Variants in OVCH2 observed in about 807,000 individuals in gnomAD.
OVCH2 encodes ovochymase 2.
In OVCH2, 88 loss-of-function variants were observed where a neutral mutation model predicts 73.7. The ratio of observed to expected loss-of-function variants is 1.19; its 90% confidence interval spans 1.01 to 1.43. The LOEUF is 1.43. Among genes scored for constraint, OVCH2 ranks in the 40% most tolerant of loss-of-function variants. OVCH2 has a pLI of 0.00. For missense variants in OVCH2, 706 were observed against 674.5 expected, an observed-to-expected ratio of 1.05 and a Z score of -0.52; for synonymous variants, 265 against 234.5, an observed-to-expected ratio of 1.13 and a Z score of -1.19.
At chr11:7,683,020 C>T in the OVCH2 span, among the ~76,000 whole-genome samples, 1 of 152,218 alleles carries the variant, frequency 6.6e-6, no homozygotes, top group South Asian at 2.1e-4. Flanking sequence ...CAATGCTCCT[C>T]ATTTCCAACC....
chr11:7,701,676 T>A, intron 5 of OVCH2, 40 bp downstream of exon 5: 1 of 1,578,026 alleles, frequency 6.3e-7, no homozygotes, highest in Non-Finnish European at 8.7e-7. Flanking sequence ...ACCAGAAAGT[T>A]CTGACCTCTG....
chr11:7,696,311 G>C (rs1486739118), intron 10 of OVCH2, among the ~76,000 whole-genome samples, 154 bp downstream of exon 10: 1 of 152,180 alleles, frequency 6.6e-6, no homozygotes, highest in African/African-American at 2.4e-5. Context: ...CCCAGGCTCA[G>C]ATTTGGTTCC....
downstream of OVCH2, among the ~76,000 whole-genome samples, chr11:7,688,213 C>A (rs2136148277): frequency 6.6e-6 from 1 of 152,154 alleles, no homozygotes; most frequent in African/African-American, 2.4e-5. Context: ...TTTTGGGTTG[C>A]AACTCTCACC....
At chr11:7,686,744 C>G (rs532076050), downstream of OVCH2, among the ~76,000 whole-genome samples, 2 of 152,164 alleles carry the variant, frequency 1.3e-5, no homozygotes, top group Non-Finnish European at 2.9e-5. Context: ...TCACAGAAAG[C>G]TTTTTTTAGA....
the OVCH2 span, among the ~76,000 whole-genome samples, chr11:7,680,271 T>G: frequency 1.3e-5 from 2 of 152,142 alleles, no homozygotes; most frequent in Non-Finnish European, 2.9e-5. Flanking sequence ...AGAAATGAAT[T>G]GAATTAGAGG....
chr11:7,704,702 G>A (rs1357531004), intron 1 of OVCH2, 28 bp from the exon 2 acceptor site: 5 of 1,457,928 alleles, frequency 3.4e-6, no homozygotes, highest in Non-Finnish European at 4.8e-6. Flanking sequence ...CAAACTAAAT[G>A]ATTAGATAGC....
chr11:7,684,308 T>C, the OVCH2 span, among the ~76,000 whole-genome samples: 3 of 152,076 alleles, frequency 2.0e-5, no homozygotes, highest in Non-Finnish European at 4.4e-5. Flanking sequence ...AGACTTTGTG[T>C]TTGCATAGCC....
chr11:7,692,430 T>C (rs1055581809), intron 12 of OVCH2, among the ~76,000 whole-genome samples: 2 of 152,214 alleles, frequency 1.3e-5, no homozygotes. Context: ...CTGAAATTTG[T>C]TGTGCCCCTT....
At position 7,703,727 on chromosome 11, in the gene OVCH2, C is replaced by G. The variant is rs771550148; in HGVS notation, c.261G>C (p.Val87=). The change falls in exon 3 of 16, where the codon GTG becomes GTC. Residue 87 remains valine (V), a synonymous_variant. Coordinates refer to ENST00000533663, the MANE Select transcript of OVCH2 (RefSeq NM_198185.7). The part of the protein sequence containing the change: ...CGGSIVSPQW[V]ITAAHCIANR... The stretch of plus-strand genomic sequence containing the variant: ...TTGCAATGCAGTGAGCCGCCGTGAT[C>G]ACCCACTGTGGTGAGACGATGCTTC... The G allele has an allele frequency of 2.5e-6, 4 of 1,609,916 alleles. No homozygotes were observed. The Admixed American group carries it at 6.7e-5, about 27-fold the overall frequency.
chr11:7,692,315 A>G (rs1856237933), intron 12 of OVCH2, among the ~76,000 whole-genome samples: 1 of 152,120 alleles, frequency 6.6e-6, no homozygotes, highest in South Asian at 2.1e-4. Flanking sequence ...TAGGCACTCA[A>G]CTCAACTAAT....
chr11:7,695,060 T>TA lies in OVCH2; in HGVS notation c.1410dup (p.Lys471Ter). ...GTAAGGACAGCCAAAGTCAATACCT[T>TA]AATTAGGTGATGTTTGGAGGCTTGA... is the stretch of plus-strand genomic sequence containing the variant. On this transcript the variant is annotated frameshift_variant, in exon 12 of 16. Transcript: ENST00000533663. LOFTEE classifies it high-confidence loss of function. 6.5e-7 allele frequency: 1 copy of TA among 1,549,718 alleles called. No individual in the cohort carries two copies. The highest frequency in any genetic ancestry group is 8.7e-7 in the Non-Finnish European group (1 of 1,146,552).
downstream of OVCH2, among the ~76,000 whole-genome samples, chr11:7,685,789 T>C (rs114651055): frequency 0.036 from 5,505 of 152,322 alleles, 335 homozygotes; most frequent in African/African-American, 0.12. Context: ...CTTGTACCTA[T>C]CTAGCTCAGC....
intron 8 of OVCH2, 146 bp downstream of exon 8, chr11:7,698,604 C>T: frequency 1.4e-6 from 1 of 703,732 alleles, no homozygotes. Flanking sequence ...TTCTGCTGGG[C>T]ATAATGGCTG....
At chr11:7,686,878 A>G (rs764371789), downstream of OVCH2, among the ~76,000 whole-genome samples, 6 of 152,166 alleles carry the variant, frequency 3.9e-5, no homozygotes, top group Non-Finnish European at 8.8e-5. Context: ...TCAAACCACA[A>G]AGTGACACTC....
intron 11 of OVCH2, 144 bp from the exon 12 acceptor site, chr11:7,695,332 C>G: frequency 9.1e-7 from 1 of 1,104,276 alleles, no homozygotes; most frequent in Non-Finnish European, 1.3e-6. Flanking sequence ...GTGCATGATT[C>G]TCCAGAACTC....
intron 8 of OVCH2, chr11:7,697,028 C>T (rs147945145): frequency 4.1e-5 from 16 of 386,070 alleles, no homozygotes; most frequent in East Asian, 1.2e-4. Flanking sequence ...TCTTCTCTCT[C>T]TTTTTATTTT....
Position 7,700,506 on chromosome 11 carries a change from T to C in OVCH2, c.712-21A>G, listed in dbSNP as rs1462265885. On this transcript the variant is annotated intron_variant, in intron 6 of 15. Coordinates refer to ENST00000533663, the MANE Select transcript of OVCH2 (RefSeq NM_198185.7). Reference sequence around the variant, plus strand: ...TCTCCCTGCAGAGGGAAAAAGCCTCTATTAGCATCACTGTCAGTGTCTATG... The same window carrying C: ...TCTCCCTGCAGAGGGAAAAAGCCTCCATTAGCATCACTGTCAGTGTCTATG... 2.5e-6 allele frequency: 4 copies of C among 1,581,094 alleles called. 1 individual carries two copies. The highest frequency in any genetic ancestry group is 3.7e-5 in the Admixed American group (2 of 54,698).
intron 6 of OVCH2, 101 bp from the exon 7 acceptor site, chr11:7,700,586 C>T: frequency 7.9e-7 from 1 of 1,269,926 alleles, no homozygotes; most frequent in Non-Finnish European, 1.1e-6. Flanking sequence ...TCAATGACAT[C>T]TCCTCACTTC....
chr11:7,680,377 A>T, the OVCH2 span, among the ~76,000 whole-genome samples: 7,514 of 152,262 alleles, frequency 0.049, 603 homozygotes, highest in African/African-American at 0.17. Flanking sequence ...CATTGAGGGA[A>T]AGAACAGGAC....
Sources: allele counts gnomAD v4.1 joint callset (sites outside exome capture counted in the v4.1 genomes callset), GRCh38; gene constraint gnomAD v4.1.1; transcripts MANE v1.5; gene names NCBI Gene and HGNC (gene_info 2026-07-23, HGNC 2026-07-21).